Variants in MAGI2 observed in about 807,000 individuals in gnomAD.
MAGI2 encodes the protein membrane-associated guanylate kinase, WW and PDZ domain-containing protein 2.
A neutral mutation model predicts 133.3 loss-of-function variants in MAGI2; 35 were observed. The observed-to-expected ratio is 0.26, with a 90% CI of 0.20 to 0.35. The LOEUF (loss-of-function observed/expected upper bound fraction) is 0.35, where lower values mean the gene tolerates loss of function less well. Ranked by LOEUF, MAGI2 falls within the 10% of genes least tolerant of loss-of-function variation. MAGI2 has a pLI of 1.00. For synonymous variants in MAGI2, 729 were observed against 710.6 expected (o/e 1.03, Z -0.41); for missense variants, 1,636 against 1,863.4 (o/e 0.88, Z 2.25).
intron 4 of MAGI2, among the ~76,000 whole-genome samples, chr7:78,519,747 T>C (rs725555): frequency 0.2 from 30,104 of 152,118 alleles, 3,180 homozygotes; most frequent in African/African-American, 0.22. Flanking sequence ...CCTACACAGA[T>C]AAGAAATGAA....
chr7:78,290,039 G>GC (rs1796540096), intron 9 of MAGI2, among the ~76,000 whole-genome samples: 1 of 152,164 alleles, frequency 6.6e-6, no homozygotes, highest in Non-Finnish European at 1.5e-5. Flanking sequence ...TGAAGAAACT[G>GC]CATCAACAAA....
chr7:78,466,664 T>C (rs1307190622), intron 6 of MAGI2, among the ~76,000 whole-genome samples: 3 of 151,948 alleles, frequency 2.0e-5, no homozygotes, highest in Non-Finnish European at 2.9e-5. Flanking sequence ...TGTGAAAAGG[T>C]ATAGGCAGGA....
Position 78,208,988 on chromosome 7 carries a change from C to T in MAGI2, c.2048-7795G>A, listed in dbSNP as rs1039594461. The stretch of plus-strand genomic sequence containing the variant: ...CTGTAATCCCAGCACTTTGGGAGGC[C>T]GAGGCAGGTGGATCACGAGGTCAGG... On this transcript the variant is annotated intron_variant, in intron 10 of 21. Coordinates refer to ENST00000354212, the MANE Select transcript of MAGI2 (RefSeq NM_012301.4). Among the ~76,000 whole-genome samples, 20 of 150,718 alleles carry T rather than the reference C, an allele frequency of 1.3e-4. 2 individuals carry two copies. The highest frequency in any genetic ancestry group is 4.2e-4 in the South Asian group (2 of 4,730).
At chr7:78,749,281 G>C (rs772819871) in intron 2 of MAGI2, among the ~76,000 whole-genome samples, 1 of 152,124 alleles carries the variant, frequency 6.6e-6, no homozygotes, top group Non-Finnish European at 1.5e-5. Context: ...GAGGGAAAAG[G>C]TGTCCAAGCT....
chr7:79,359,235 T>G (rs1330425940), intron 1 of MAGI2, among the ~76,000 whole-genome samples: 1 of 151,850 alleles, frequency 6.6e-6, no homozygotes, highest in Non-Finnish European at 1.5e-5. Context: ...AATAATAGAA[T>G]GGACATAAAA....
At chr7:78,835,439 A>G (rs1791533908) in intron 2 of MAGI2, among the ~76,000 whole-genome samples, 1 of 152,208 alleles carries the variant, frequency 6.6e-6, no homozygotes, top group Non-Finnish European at 1.5e-5. Flanking sequence ...ATAGAAATAA[A>G]TTTGATCTTA....
At chr7:78,175,967 C>T (rs778867268) in intron 14 of MAGI2, among the ~76,000 whole-genome samples, 2 of 152,094 alleles carry the variant, frequency 1.3e-5, no homozygotes, top group African/African-American at 2.4e-5. Flanking sequence ...TAAATCAGTG[C>T]GTTAAATGCT....
chr7:78,563,530 G>A (rs1800625922), intron 3 of MAGI2, among the ~76,000 whole-genome samples: 2 of 152,158 alleles, frequency 1.3e-5, no homozygotes, highest in African/African-American at 4.8e-5. Flanking sequence ...AGAGATTCAG[G>A]AAATGAGCCA....
intron 1 of MAGI2, among the ~76,000 whole-genome samples, chr7:79,262,339 C>T (rs187739590): frequency 6.9e-4 from 105 of 152,236 alleles, no homozygotes; most frequent in African/African-American, 2.5e-3. Flanking sequence ...ATGTGAGACA[C>T]TAGACTCAAA....
chr7:78,042,560 C>G (rs951518148), intron 21 of MAGI2, among the ~76,000 whole-genome samples: 4 of 152,300 alleles, frequency 2.6e-5, no homozygotes, highest in Middle Eastern at 3.4e-3. Context: ...TGCTCCCTGA[C>G]CAAGCAGGTC....
intron 1 of MAGI2, among the ~76,000 whole-genome samples, chr7:79,403,912 T>G (rs2129165288): frequency 6.6e-6 from 1 of 152,302 alleles, no homozygotes; most frequent in African/African-American, 2.4e-5. Context: ...ACTGCGATAT[T>G]AAACATGGAA....
chr7:78,302,953 T>C (rs1797958586), intron 9 of MAGI2, among the ~76,000 whole-genome samples: 1 of 152,094 alleles, frequency 6.6e-6, no homozygotes, highest in African/African-American at 2.4e-5. Context: ...CAATCCTAAG[T>C]ATGTGATGGA....
intron 20 of MAGI2, among the ~76,000 whole-genome samples, chr7:78,123,975 A>C (rs1820718011): frequency 6.6e-6 from 1 of 152,188 alleles, no homozygotes. Flanking sequence ...CTTTTCCTGC[A>C]AGGGTATTTC....
chr7:78,215,943 C>T (rs1482446199), intron 10 of MAGI2, among the ~76,000 whole-genome samples: 4 of 152,116 alleles, frequency 2.6e-5, no homozygotes, highest in Non-Finnish European at 4.4e-5. Context: ...TAAGCATTAG[C>T]TTTGTTATTT....
chr7:78,144,453 CATT>C (rs1584126108), intron 16 of MAGI2, among the ~76,000 whole-genome samples: 1 of 152,134 alleles, frequency 6.6e-6, no homozygotes, highest in East Asian at 1.9e-4. Flanking sequence ...AACCAGTTAT[CATT>C]GTTTGTGGTT....
rs527354133 is a variant in MAGI2 at position 79,319,492 on chromosome 7, G to A, written c.301+133528C>T. 3.8e-4 allele frequency among the ~76,000 whole-genome samples: 58 copies of A among 152,240 alleles called. 1 individual carries two copies. The highest frequency in any genetic ancestry group is 1.0e-3 in the Admixed American group (16 of 15,268). ...AAGTCTGGCCAATCACATTTAAGCA[G>A]AAGTATGTATGTGTCTATGGGAAAT... On this transcript the variant is annotated intron_variant, in intron 1 of 21. Transcript: ENST00000354212.
intron 3 of MAGI2, among the ~76,000 whole-genome samples, chr7:78,623,507 A>G (rs1807970606): frequency 6.6e-6 from 1 of 152,084 alleles, no homozygotes; most frequent in South Asian, 2.1e-4. Flanking sequence ...TTTATTTAAA[A>G]TGTTTTCAAT....
intron 1 of MAGI2, among the ~76,000 whole-genome samples, chr7:79,266,732 G>T (rs917439121): frequency 6.6e-6 from 1 of 152,070 alleles, no homozygotes; most frequent in Non-Finnish European, 1.5e-5. Flanking sequence ...TTAAACAGTT[G>T]GTCAAGGTGA....
At chr7:79,256,486 CTTTTTTTT>C (rs11303181) in intron 1 of MAGI2, among the ~76,000 whole-genome samples, 13 of 82,776 alleles carry the variant, frequency 1.6e-4, no homozygotes, top group East Asian at 7.5e-4. Flanking sequence ...CTCTCTCTCT[CTTTTTTTT>C]TTTTTTTTTT....
Sources: allele counts gnomAD v4.1 joint callset (sites outside exome capture counted in the v4.1 genomes callset), GRCh38; gene constraint gnomAD v4.1.1; transcripts MANE v1.5; gene names NCBI Gene and HGNC (gene_info 2026-07-23, HGNC 2026-07-21).